Variants in HBS1L observed in about 807,000 individuals in gnomAD.
HBS1L encodes the protein HBS1-like protein.
HBS1L carries 55 observed loss-of-function variants against 88.9 expected under a neutral mutation model. The observed-to-expected ratio is 0.62, with a 90% CI of 0.50 to 0.77. HBS1L has a LOEUF of 0.77. Among genes scored for constraint, HBS1L ranks in the 30% least tolerant of loss-of-function variants. The pLI, the probability that HBS1L is intolerant of heterozygous loss-of-function variation, is 0.00. For missense variants in HBS1L, 741 were observed against 829.3 expected, an observed-to-expected ratio of 0.89 and a Z score of 1.31; for synonymous variants, 267 against 288.5, an observed-to-expected ratio of 0.93 and a Z score of 0.76.
intron 15 of HBS1L, among the ~76,000 whole-genome samples, chr6:134,974,114 A>G (rs890397264): frequency 1.3e-5 from 2 of 152,136 alleles, no homozygotes; most frequent in Non-Finnish European, 2.9e-5. Flanking sequence ...ATCATTTGAG[A>G]CTACTATAAA....
rs1291615810 is a variant in HBS1L, at chr6:134,979,225, G to C, written c.1641C>G (p.Gly547=). ...CAACCAAAGTAAGACTAACATGATC[G>C]CCTGCTGCCGCCCAGTCGACAGGTT... ...HDEPVDWAAA[G]DHVSLTLVGM... is the part of the protein sequence containing the mutation. The change falls in exon 14 of 18, where the codon GGC becomes GGG. Residue 547 remains glycine (G), a synonymous_variant. Transcript: ENST00000367837. 6.2e-7 allele frequency: 1 copy of C among 1,612,060 alleles called. No homozygotes were observed. Among genetic ancestry groups the C allele is most frequent in the Admixed American group, 1.7e-5 (1 of 59,838 alleles).
At chr6:134,976,563 T>A (rs1774653672) in intron 15 of HBS1L, among the ~76,000 whole-genome samples, 1 of 152,132 alleles carries the variant, frequency 6.6e-6, no homozygotes, top group Non-Finnish European at 1.5e-5. Context: ...CATGGAATAC[T>A]ACTCAGCCAT....
intron 15 of HBS1L, among the ~76,000 whole-genome samples, chr6:134,974,311 T>C (rs1774579994): frequency 6.6e-6 from 1 of 151,990 alleles, no homozygotes; most frequent in East Asian, 1.9e-4. Flanking sequence ...GATGGATCCA[T>C]AGCCAAATTC....
chr6:135,014,915 G>T (rs945776348), intron 4 of HBS1L, among the ~76,000 whole-genome samples: 8 of 150,566 alleles, frequency 5.3e-5, no homozygotes, highest in Non-Finnish European at 8.9e-5. Context: ...CACGCCTGTA[G>T]TCCTAGGTAC....
At chr6:134,984,932 C>G (rs148604315) in intron 12 of HBS1L, among the ~76,000 whole-genome samples, 4 of 151,784 alleles carry the variant, frequency 2.6e-5, no homozygotes, top group African/African-American at 9.7e-5. Flanking sequence ...AGGAAATGGA[C>G]AAGTAAAGAG....
chr6:134,979,729 T>C (rs1774766098), intron 13 of HBS1L, among the ~76,000 whole-genome samples: 1 of 152,034 alleles, frequency 6.6e-6, no homozygotes. Flanking sequence ...CAAATAATCC[T>C]TGTTTTCCAA....
At chr6:135,002,940 C>T (rs972900806) in intron 4 of HBS1L, 98 bp from the exon 5 acceptor site, 8 of 716,302 alleles carry the variant, frequency 1.1e-5, no homozygotes, top group Non-Finnish European at 1.6e-5. Flanking sequence ...TGATAACTTT[C>T]ACAGAATTAA....
At chr6:135,040,526 A>G (rs935498848) in intron 3 of HBS1L, among the ~76,000 whole-genome samples, 3 of 151,470 alleles carry the variant, frequency 2.0e-5, no homozygotes, top group Non-Finnish European at 4.4e-5. Context: ...TGATTTTTCT[A>G]TTTTTAGTAG....
intron 4 of HBS1L, among the ~76,000 whole-genome samples, chr6:135,018,713 C>T (rs895907973): frequency 6.0e-4 from 91 of 151,804 alleles, no homozygotes; most frequent in African/African-American, 2.1e-3. Flanking sequence ...AATAGGACAG[C>T]CTACAAAACA....
rs1170485766 is a variant in HBS1L, at chr6:134,979,208, G to A, written c.1658C>T (p.Thr553Ile). The A allele has an allele frequency of 6.2e-7, 1 of 1,612,056 alleles. No homozygotes were observed. The highest frequency in any genetic ancestry group is 1.7e-5 in the Admixed American group (1 of 59,842). Residue 553 changes from threonine (T) to isoleucine (I), a missense_variant, in exon 14 of 18, where the codon ACT (threonine) becomes ATT (isoleucine). This residue lies in a region of HBS1L where 181 missense variants were observed against 212.7 expected (regional missense o/e 0.85). Coordinates refer to ENST00000367837, the MANE Select transcript of HBS1L (RefSeq NM_006620.4). ...TTTGATGATATCCATCCCAACCAAAGTAAGACTAACATGATCGCCTGCTGC... is the reference window on the plus strand; with the variant it reads ...TTTGATGATATCCATCCCAACCAAAATAAGACTAACATGATCGCCTGCTGC... ...WAAAGDHVSL[T>I]LVGMDIIKIN...
intron 4 of HBS1L, among the ~76,000 whole-genome samples, chr6:135,022,169 C>T (rs1451359709): frequency 6.6e-6 from 1 of 152,114 alleles, no homozygotes; most frequent in Non-Finnish European, 1.5e-5. Flanking sequence ...TTTGTCCTCT[C>T]CCTTCATTCT....
At chr6:134,991,384 T>C (rs1775133247) in intron 8 of HBS1L, among the ~76,000 whole-genome samples, 2 of 152,212 alleles carry the variant, frequency 1.3e-5, no homozygotes, top group Non-Finnish European at 2.9e-5. Context: ...CAAATTCAAA[T>C]TTTGCTTTTT....
chr6:134,990,937 G>T (rs2114791864), intron 8 of HBS1L, among the ~76,000 whole-genome samples: 1 of 151,866 alleles, frequency 6.6e-6, no homozygotes, highest in East Asian at 1.9e-4. Context: ...TCTGGTGTTT[G>T]TCTCGCCCAT....
In HBS1L at chr6:135,013,212, G is replaced by A. The variant is rs116989668; in HGVS notation, c.431-10370C>T. On this transcript the variant is annotated intron_variant, in intron 4 of 17. Coordinates refer to ENST00000367837, the MANE Select transcript of HBS1L (RefSeq NM_006620.4). ...CTAACAAAGATGTTAGGAGAACTGA[G>A]AATTAAATGAGCCAATACATGTAAA... 5.8e-3 allele frequency among the ~76,000 whole-genome samples: 889 copies of A among 152,274 alleles called. 37 individuals are homozygous for A. The highest frequency in any genetic ancestry group is 0.055 in the Admixed American group (846 of 15,292).
At position 134,961,217 on chromosome 6, in the gene HBS1L, G is replaced by A. The variant is rs1472428753; in HGVS notation, c.*4062C>T. On this transcript the variant is annotated 3_prime_UTR_variant, in exon 18 of 18. Transcript: ENST00000367837. ...TAACAAAATAATGTAGTCCCTTTATGGACTATAAGTAACTTAATGCTTTTC... is the reference window on the plus strand; with the variant it reads ...TAACAAAATAATGTAGTCCCTTTATAGACTATAAGTAACTTAATGCTTTTC... The A allele has an allele frequency of 6.7e-6, 1 of 148,292 alleles. No homozygotes were observed. Among genetic ancestry groups the A allele is most frequent in the Non-Finnish European group, 1.5e-5 (1 of 67,510 alleles). 9.2% of individuals were successfully genotyped at this position (148,292 alleles called of 1,614,324 possible).
chr6:134,987,979 G>C (rs1775025452), intron 8 of HBS1L, among the ~76,000 whole-genome samples, 188 bp from the exon 9 acceptor site: 1 of 151,812 alleles, frequency 6.6e-6, no homozygotes, highest in Non-Finnish European at 1.5e-5. Flanking sequence ...CAAAAATAAT[G>C]ACACAAAGAA....
chr6:134,983,350 G>C (rs989840418), intron 12 of HBS1L: 1 of 152,128 alleles, frequency 6.6e-6, no homozygotes, highest in Admixed American at 6.6e-5. Flanking sequence ...TTCTGTCTTA[G>C]AGTAGAGGCT....
chr6:135,016,538 T>G (rs1775927100), intron 4 of HBS1L, among the ~76,000 whole-genome samples: 1 of 152,212 alleles, frequency 6.6e-6, no homozygotes, highest in Non-Finnish European at 1.5e-5. Context: ...ATTCAGGCTC[T>G]AAAGCATACA....
At chr6:135,040,121 G>A (rs1776684604) in intron 3 of HBS1L, among the ~76,000 whole-genome samples, 1 of 152,172 alleles carries the variant, frequency 6.6e-6, no homozygotes, top group Non-Finnish European at 1.5e-5. Context: ...AGGAAGGGGT[G>A]AGTGTGGAAC....
Sources: gnomAD v4.1 joint callset for allele counts (sites outside exome capture counted in the v4.1 genomes callset) on GRCh38, gnomAD v4.1.1 for gene constraint, gnomAD v4.1.1 regional missense constraint, MANE v1.5 for transcripts, NCBI Gene and HGNC (gene_info 2026-07-23, HGNC 2026-07-21) for gene names.